AKR1B10: variants seen among roughly 807,000 people sequenced by gnomAD.
The protein encoded by AKR1B10 is aldo-keto reductase family 1 member B10.
AKR1B10 carries 39 observed loss-of-function variants against 38.9 expected under a neutral mutation model. The observed-to-expected ratio is 1.00, with a 90% CI of 0.78 to 1.31. The LOEUF (loss-of-function observed/expected upper bound fraction) is 1.31. AKR1B10 is among the 50% of genes most tolerant of loss of function. The pLI is 0.00. For synonymous variants in AKR1B10, 148 were observed against 141.2 expected (o/e 1.05, Z -0.34); for missense variants, 361 against 382.6 (o/e 0.94, Z 0.47).
At chr7:134,538,867 G>T in intron 8 of AKR1B10, 68 bp from the exon 9 acceptor site, 1 of 1,576,718 alleles carries the variant, frequency 6.3e-7, no homozygotes, top group South Asian at 1.1e-5. Context: ...CTGCTAGAAT[G>T]GCCGGCAGTC....
chr7:134,532,418 C>G (rs767962985), intron 3 of AKR1B10, among the ~76,000 whole-genome samples: 3 of 152,118 alleles, frequency 2.0e-5, no homozygotes, highest in Non-Finnish European at 4.4e-5. Context: ...GCAAAGTACA[C>G]CTGGGAGTGG....
intron 9 of AKR1B10, 121 bp from the exon 10 acceptor site, chr7:134,540,926 G>A: frequency 1.4e-6 from 1 of 721,592 alleles, no homozygotes; most frequent in African/African-American, 1.8e-5. Context: ...GTTCTTGCAG[G>A]GAGGAGGCTA....
Position 134,533,096 on chromosome 7 carries a change from T to A in AKR1B10, c.429+15T>A. The stretch of plus-strand genomic sequence containing the variant: ...ATGCCTGGGAGGTAGGTTCCCAGCT[T>A]CCTCTAAGTGTGCTGGGAGAGAAAT... On this transcript the variant is annotated intron_variant, in intron 4 of 9. Transcript: ENST00000359579. 1 of 1,582,110 alleles carries A rather than the reference T, an allele frequency of 6.3e-7. No homozygotes were observed. Among genetic ancestry groups the A allele is most frequent in the Non-Finnish European group, 8.6e-7 (1 of 1,165,738 alleles).
At chr7:134,531,720 C>T (rs995482531) in intron 2 of AKR1B10, among the ~76,000 whole-genome samples, 188 bp from the exon 3 acceptor site, 13 of 152,316 alleles carry the variant, frequency 8.5e-5, no homozygotes, top group African/African-American at 3.1e-4. Flanking sequence ...GCTTTTAACA[C>T]TTAAGACATG....
intron 2 of AKR1B10, 25 bp downstream of exon 2, chr7:134,530,835 G>A (rs770728736): frequency 6.3e-7 from 1 of 1,593,170 alleles, no homozygotes; most frequent in Non-Finnish European, 8.5e-7. Context: ...TTGGTGGGAG[G>A]CCTTCACTTC....
chr7:134,527,587 C>T lies in AKR1B10; in HGVS notation c.-325C>T, dbSNP rs745431425. 30 of 183,062 alleles carry T rather than the reference C, an allele frequency of 1.6e-4. No homozygotes were observed. Among genetic ancestry groups the T allele is most frequent in the South Asian group, 6.2e-4 (4 of 6,482 alleles). The allele number at this position is 183,062 out of a possible 1,614,324, so 11.3% of individuals were successfully genotyped here. On this transcript the variant is annotated 5_prime_UTR_variant, in exon 1 of 10. Transcript: ENST00000359579. The stretch of plus-strand genomic sequence containing the variant: ...GCAGCCTTCTTAAGCAGCCTGTGGC[C>T]GGGCACAGTAGCTCACACCTGTAAT...
chr7:134,536,631 G>T lies in AKR1B10; in HGVS notation c.430-19G>T, dbSNP rs146468169. 1 of 1,613,512 alleles carries T rather than the reference G, an allele frequency of 6.2e-7. No individual in the cohort carries two copies. The highest frequency in any genetic ancestry group is 8.5e-7 in the Non-Finnish European group (1 of 1,179,632). On this transcript the variant is annotated intron_variant, in intron 4 of 9. Transcript: ENST00000359579. ...TAGTCCCTCTAGAGCTGCCCATAAGGTATTCCTTTCTATGATAGGCCATGG... is the reference window on the plus strand; with the variant it reads ...TAGTCCCTCTAGAGCTGCCCATAAGTTATTCCTTTCTATGATAGGCCATGG...
intron 9 of AKR1B10, among the ~76,000 whole-genome samples, chr7:134,539,516 C>A (rs1176021081): frequency 6.6e-6 from 1 of 152,046 alleles, no homozygotes; most frequent in Non-Finnish European, 1.5e-5. Flanking sequence ...TGGGACTGAT[C>A]CTTTATACAG....
chr7:134,539,868 T>C (rs1244309148), intron 9 of AKR1B10, among the ~76,000 whole-genome samples: 2 of 152,264 alleles, frequency 1.3e-5, no homozygotes, highest in African/African-American at 2.4e-5. Flanking sequence ...CTGCCAGATC[T>C]GTAATTCAAT....
In AKR1B10 at chr7:134,536,839, G is replaced by T. The variant is rs539647205; in HGVS notation, c.552+67G>T. ...ACTTCTTAAACATTGCGGGAGGAATGTTCAATGCTATGCCCTGAGTCTCAT... is the reference window on the plus strand; with the variant it reads ...ACTTCTTAAACATTGCGGGAGGAATTTTCAATGCTATGCCCTGAGTCTCAT... On this transcript the variant is annotated intron_variant, in intron 5 of 9. Coordinates refer to ENST00000359579, the MANE Select transcript of AKR1B10 (RefSeq NM_020299.5). The T allele has an allele frequency of 3.8e-5, 61 of 1,602,894 alleles. No homozygotes were observed. The East Asian group carries it at 7.8e-4, about 21-fold the overall frequency.
At chr7:134,539,391 G>A (rs1298630760) in intron 9 of AKR1B10, among the ~76,000 whole-genome samples, 1 of 152,144 alleles carries the variant, frequency 6.6e-6, no homozygotes, top group African/African-American at 2.4e-5. Context: ...CTTAGGGAGG[G>A]AGGGAAGAAG....
At position 134,541,190 on chromosome 7, in the gene AKR1B10, A is replaced by G; in HGVS notation, c.*101A>G. 4 of 902,786 alleles carry G rather than the reference A, an allele frequency of 4.4e-6. No homozygotes were observed. Among genetic ancestry groups the G allele is most frequent in the Non-Finnish European group, 1.7e-6 (1 of 575,742 alleles). The allele number at this position is 902,786 out of a possible 1,614,324, so 55.9% of individuals were successfully genotyped here. A position where few individuals can be genotyped will look rare whatever the true frequency, so the allele number is the denominator to read the frequency against. On this transcript the variant is annotated 3_prime_UTR_variant, in exon 10 of 10. Coordinates refer to ENST00000359579, the MANE Select transcript of AKR1B10 (RefSeq NM_020299.5). ...ATTTTAGCCAAGCTTATTTAAGATC[A>G]CAGTGAACTTAGTCCTGTTATAGAC...
At position 134,527,874 on chromosome 7, in the gene AKR1B10, C is replaced by G. The variant is rs1271986843; in HGVS notation, c.-38C>G. 1.2e-6 allele frequency: 2 copies of G among 1,612,144 alleles called. No individual in the cohort carries two copies. The highest frequency in any genetic ancestry group is 1.3e-5 in the African/African-American group (1 of 74,964). ...CAGCAACAGAGAGCAGGACGTGAGA[C>G]TTCTACCTGCTCACTCAGAATCATT... On this transcript the variant is annotated 5_prime_UTR_variant, in exon 1 of 10. Coordinates refer to ENST00000359579, the MANE Select transcript of AKR1B10 (RefSeq NM_020299.5).
intron 1 of AKR1B10, among the ~76,000 whole-genome samples, chr7:134,528,572 A>G (rs915682192): frequency 2.6e-5 from 4 of 152,076 alleles, no homozygotes; most frequent in African/African-American, 9.7e-5. Context: ...AAAAATAAAT[A>G]AATTTTCTGG....
At chr7:134,534,582 T>C (rs1807948774) in intron 4 of AKR1B10, among the ~76,000 whole-genome samples, 1 of 152,210 alleles carries the variant, frequency 6.6e-6, no homozygotes, top group African/African-American at 2.4e-5. Context: ...AAGATAGCAG[T>C]GATCAAGATC....
At chr7:134,534,399 G>C (rs1807941503) in intron 4 of AKR1B10, among the ~76,000 whole-genome samples, 1 of 152,148 alleles carries the variant, frequency 6.6e-6, no homozygotes, top group African/African-American at 2.4e-5. Flanking sequence ...TCAGATTACA[G>C]GTGTGAGCCA....
chr7:134,532,555 C>T (rs780411541), intron 3 of AKR1B10, among the ~76,000 whole-genome samples: 1 of 152,132 alleles, frequency 6.6e-6, no homozygotes, highest in African/African-American at 2.4e-5. Context: ...CCAGCTCTCT[C>T]CCCTCCTGAC....
intron 8 of AKR1B10, among the ~76,000 whole-genome samples, chr7:134,538,507 C>T (rs540205269): frequency 3.3e-5 from 5 of 152,298 alleles, no homozygotes; most frequent in African/African-American, 1.2e-4. Context: ...GGTCTGAGCA[C>T]AGTTGTGCCT....
At chr7:134,533,303 T>C (rs746936690) in intron 4 of AKR1B10, among the ~76,000 whole-genome samples, 1 of 152,194 alleles carries the variant, frequency 6.6e-6, no homozygotes, top group Non-Finnish European at 1.5e-5. Flanking sequence ...GGAAATACAA[T>C]GTACCCCACT....
Sources: gnomAD v4.1 joint callset for allele counts (sites outside exome capture counted in the v4.1 genomes callset) on GRCh38, gnomAD v4.1.1 for gene constraint, MANE v1.5 for transcripts, NCBI Gene and HGNC (gene_info 2026-07-23, HGNC 2026-07-21) for gene names.